MAP3K8: variants seen among roughly 807,000 people sequenced by gnomAD.
The protein encoded by MAP3K8 is mitogen-activated protein kinase kinase kinase 8.
MAP3K8 carries 22 observed loss-of-function variants against 45.8 expected under a neutral mutation model. That is an observed-to-expected ratio of 0.48 (90% CI 0.34 to 0.69). The LOEUF is 0.69. Ranked by LOEUF, MAP3K8 falls within the 30% of genes least tolerant of loss-of-function variation. MAP3K8 has a pLI of 0.01. For missense variants in MAP3K8, 419 were observed against 585.0 expected (o/e 0.72, Z 2.93); for synonymous variants, 223 against 214.3 (o/e 1.04, Z -0.36).
At chr10:30,445,652 AG>A (rs1358414987) in intron 3 of MAP3K8, among the ~76,000 whole-genome samples, 1 of 152,188 alleles carries the variant, frequency 6.6e-6, no homozygotes, top group Non-Finnish European at 1.5e-5. Context: ...ATGCTGCAAA[AG>A]AGGCCTCCAG....
chr10:30,434,197 G>C lies in MAP3K8; in HGVS notation c.-436G>C, dbSNP rs934468693. ...GACGCGGGTCTCACTCGTCCGCTCC[G>C]CTCTGGACTGCGCGCCACGCTCTGG... On this transcript the variant is annotated 5_prime_UTR_variant, in exon 1 of 9. Transcript: ENST00000263056. 6.5e-6 allele frequency: 1 copy of C among 153,068 alleles called. No individual in the cohort carries two copies. The highest frequency in any genetic ancestry group is 2.4e-5 in the African/African-American group (1 of 41,454). The allele number at this position is 153,068 out of a possible 1,614,324, so 9.5% of individuals were successfully genotyped here.
chr10:30,443,530 T>A (rs779543745), intron 3 of MAP3K8, among the ~76,000 whole-genome samples: 2 of 152,232 alleles, frequency 1.3e-5, no homozygotes, highest in Non-Finnish European at 2.9e-5. Flanking sequence ...CAGGACCCTG[T>A]GAACTCAAGC....
Position 30,460,703 on chromosome 10 carries a change from C to T in MAP3K8, c.1274-3C>T. ...ACTTACTTTGTAATGTTTTCCTTTTCAGATTCTTCGTGCACAGGAAGCACC... is the reference window on the plus strand; with the variant it reads ...ACTTACTTTGTAATGTTTTCCTTTTTAGATTCTTCGTGCACAGGAAGCACC... On this transcript the variant is annotated splice_polypyrimidine_tract_variant and splice_region_variant and intron_variant, in intron 8 of 8. Coordinates refer to ENST00000263056, the MANE Select transcript of MAP3K8 (RefSeq NM_005204.4). 6.2e-7 allele frequency: 1 copy of T among 1,600,378 alleles called. No individual in the cohort carries two copies.
chr10:30,448,217 A>G (rs1034640937), intron 4 of MAP3K8, among the ~76,000 whole-genome samples: 1 of 152,160 alleles, frequency 6.6e-6, no homozygotes, highest in Non-Finnish European at 1.5e-5. Context: ...GATAAATAAC[A>G]TCATCACTCT....
At chr10:30,449,347 C>T (rs941748779) in intron 4 of MAP3K8, among the ~76,000 whole-genome samples, 1 of 152,138 alleles carries the variant, frequency 6.6e-6, no homozygotes, top group African/African-American at 2.4e-5. Context: ...CGGGTTCAAG[C>T]GATTCTTCTG....
At chr10:30,452,066 GC>G (rs1416117820) in intron 6 of MAP3K8, among the ~76,000 whole-genome samples, 5 of 152,042 alleles carry the variant, frequency 3.3e-5, no homozygotes, top group African/African-American at 1.2e-4. Flanking sequence ...AGGTGTGGTG[GC>G]TAATGCCTGT....
intron 1 of MAP3K8, among the ~76,000 whole-genome samples, chr10:30,435,536 G>T (rs764446552): frequency 1.3e-5 from 2 of 151,358 alleles, no homozygotes; most frequent in Non-Finnish European, 2.9e-5. Flanking sequence ...GCACACATAT[G>T]TATATATGTA....
Position 30,459,249 on chromosome 10 carries a change from T to C in MAP3K8, c.1027-6T>C. ...TTTGATGCTAAGAGAGCTGGTTTGT[T>C]GATAGATCCACAAGCAAGCACCTCC... On this transcript the variant is annotated splice_region_variant and splice_polypyrimidine_tract_variant and intron_variant, in intron 7 of 8. Transcript: ENST00000263056. The C allele has an allele frequency of 1.2e-6, 2 of 1,614,050 alleles. No individual in the cohort carries two copies. The highest frequency in any genetic ancestry group is 1.7e-6 in the Non-Finnish European group (2 of 1,179,984).
chr10:30,453,510 C>G (rs917700503), intron 6 of MAP3K8, among the ~76,000 whole-genome samples: 1 of 152,110 alleles, frequency 6.6e-6, no homozygotes, highest in Non-Finnish European at 1.5e-5. Context: ...CTGAAAAATG[C>G]GTTCGCGGGC....
Position 30,439,228 on chromosome 10 carries a change from A to G in MAP3K8, c.290A>G (p.His97Arg). Residue 97 changes from histidine to arginine, a missense_variant, in exon 3 of 9, where the codon CAT (histidine) becomes CGT (arginine). By Grantham distance (29) the His-to-Arg change is conservative (BLOSUM62 0). Around this residue, in one of 3 missense-constraint regions of MAP3K8, gnomAD observed 209 missense variants for 367.3 expected, o/e 0.57. Coordinates refer to ENST00000263056, the MANE Select transcript of MAP3K8 (RefSeq NM_005204.4). ...AACCATATATCCAACACTGCAAAGCATTTTTATGGACAACGACCACAGGAA... is the reference window on the plus strand; with the variant it reads ...AACCATATATCCAACACTGCAAAGCGTTTTTATGGACAACGACCACAGGAA... ...FANHISNTAKHFYGQRPQESG... is the reference protein window; with the variant it reads ...FANHISNTAKRFYGQRPQESG... The G allele has an allele frequency of 6.2e-7, 1 of 1,614,202 alleles. No individual in the cohort carries two copies. The highest frequency in any genetic ancestry group is 8.5e-7 in the Non-Finnish European group (1 of 1,180,036).
chr10:30,450,554 A>G (rs375592619), intron 5 of MAP3K8, 35 bp downstream of exon 5: 1 of 1,602,876 alleles, frequency 6.2e-7, no homozygotes, highest in Non-Finnish European at 8.5e-7. Context: ...TTTTGGCTCA[A>G]AGAGACTAGT....
At position 30,451,705 on chromosome 10, in the gene MAP3K8, C is replaced by T. The variant is rs766203908; in HGVS notation, c.834C>T (p.Thr278=). Reference sequence around the variant, plus strand: ...ATTTTGGCCTAAGTGTTCAAATGACCGAAGATGTCTATTTTCCTAAGGACC... The same window carrying T: ...ATTTTGGCCTAAGTGTTCAAATGACTGAAGATGTCTATTTTCCTAAGGACC... The part of the protein sequence containing the change: ...LVDFGLSVQM[T]EDVYFPKDLR... The change falls in exon 6 of 9, where the codon ACC becomes ACT. Residue 278 remains threonine (T), a synonymous_variant. Transcript: ENST00000263056. 1.4e-5 allele frequency: 23 copies of T among 1,591,036 alleles called. No homozygotes were observed. In the East Asian group the frequency reaches 2.0e-4, roughly 14 times the overall value.
chr10:30,448,934 TC>T (rs1413748752), intron 4 of MAP3K8, among the ~76,000 whole-genome samples: 1 of 152,038 alleles, frequency 6.6e-6, no homozygotes, highest in Non-Finnish European at 1.5e-5. Context: ...TTTGTAAGGG[TC>T]CCAAACTAGA....
At chr10:30,450,677 A>G (rs1038372268) in intron 5 of MAP3K8, 158 bp downstream of exon 5, 1 of 637,744 alleles carries the variant, frequency 1.6e-6, no homozygotes, top group Non-Finnish European at 2.7e-6. Flanking sequence ...TCTTAGAATC[A>G]TGCGGGGTTA....
intron 6 of MAP3K8, among the ~76,000 whole-genome samples, chr10:30,453,587 C>T (rs1836624101): frequency 6.6e-6 from 1 of 152,144 alleles, no homozygotes; most frequent in South Asian, 2.1e-4. Flanking sequence ...CCAGTGTCCA[C>T]TGGGCATCTG....
intron 5 of MAP3K8, among the ~76,000 whole-genome samples, chr10:30,450,897 T>G (rs553150964): frequency 6.7e-6 from 1 of 149,608 alleles, no homozygotes; most frequent in East Asian, 2.0e-4. Flanking sequence ...GCCTGGCCAA[T>G]GTGGTGAAAC....
chr10:30,450,542 C>T, intron 5 of MAP3K8, 23 bp downstream of exon 5: 1 of 1,610,550 alleles, frequency 6.2e-7, no homozygotes. Context: ...GGACATATAC[C>T]TTTTTGGCTC....
chr10:30,441,695 CATTAA>C (rs1836116811), intron 3 of MAP3K8, among the ~76,000 whole-genome samples: 1 of 152,136 alleles, frequency 6.6e-6, no homozygotes, highest in Admixed American at 6.6e-5. Context: ...CTGCCACTCA[CATTAA>C]AGATGGACTA....
chr10:30,446,126 CAAG>C (rs1208560404), intron 3 of MAP3K8, among the ~76,000 whole-genome samples: 1 of 152,178 alleles, frequency 6.6e-6, no homozygotes, highest in East Asian at 1.9e-4. Context: ...CTCCTGGCCT[CAAG>C]TAGTCTTCCC....
Sources: gnomAD v4.1 joint callset for allele counts (sites outside exome capture counted in the v4.1 genomes callset) on GRCh38, gnomAD v4.1.1 for gene constraint, gnomAD v4.1.1 regional missense constraint, MANE v1.5 for transcripts, NCBI Gene and HGNC (gene_info 2026-07-23, HGNC 2026-07-21) for gene names.